ARHGEF12: variants seen among roughly 807,000 people sequenced by gnomAD.
The protein encoded by ARHGEF12 is KMT2A/ARHGEF12 fusion protein.
In ARHGEF12, 66 loss-of-function variants were observed where a neutral mutation model predicts 211.2. The ratio of observed to expected loss-of-function variants is 0.31; its 90% CI spans 0.26 to 0.38. ARHGEF12 has a LOEUF of 0.38. ARHGEF12 is among the 10% of genes least tolerant of loss of function. The pLI is 1.00. For missense variants in ARHGEF12, 1,429 were observed against 1,869.5 expected (o/e 0.76, Z 4.34); for synonymous variants, 592 against 638.4 (o/e 0.93, Z 1.09).
Position 120,452,548 on chromosome 11 carries a change from A to T in ARHGEF12, c.2056+824A>T, listed in dbSNP as rs565243922. 7.9e-5 allele frequency among the ~76,000 whole-genome samples: 12 copies of T among 152,334 alleles called. No homozygotes were observed. The East Asian group carries it at 2.3e-3, about 29-fold the overall frequency. On this transcript the variant is annotated intron_variant, in intron 22 of 40. Coordinates refer to ENST00000397843, the MANE Select transcript of ARHGEF12 (RefSeq NM_015313.3). ...CAGGAGTTTGAATAGCTTAATATTC[A>T]TGGCTAGTGACGTCACCAAGTGTGA...
At chr11:120,447,964 T>C in intron 19 of ARHGEF12, 58 bp downstream of exon 19, 1 of 1,273,418 alleles carries the variant, frequency 7.9e-7, no homozygotes, top group Non-Finnish European at 1.1e-6. Context: ...TATGTTTTTT[T>C]CCTTTCAGTC....
chr11:120,454,398 G>C (rs1451016240), intron 22 of ARHGEF12, among the ~76,000 whole-genome samples: 2 of 152,052 alleles, frequency 1.3e-5, no homozygotes, highest in Non-Finnish European at 2.9e-5. Flanking sequence ...GTATACTTGG[G>C]GACATTAAAG....
chr11:120,411,165 G>T (rs757892479), intron 4 of ARHGEF12: 2 of 152,192 alleles, frequency 1.3e-5, no homozygotes, highest in Non-Finnish European at 2.9e-5. Context: ...GAAGTAAGGT[G>T]TGGCTTCTCT....
chr11:120,461,002 C>G (rs1469630385), intron 27 of ARHGEF12, among the ~76,000 whole-genome samples: 1 of 152,192 alleles, frequency 6.6e-6, no homozygotes, highest in Non-Finnish European at 1.5e-5. Context: ...CACCTTCAGG[C>G]TCCACTGTAA....
At chr11:120,484,380 T>C in intron 39 of ARHGEF12, 58 bp from the exon 40 acceptor site, 3 of 1,501,498 alleles carry the variant, frequency 2.0e-6, no homozygotes, top group African/African-American at 2.8e-5. Flanking sequence ...TTCTGAAGTT[T>C]TTGTTTTGTT....
intron 1 of ARHGEF12, 29 bp from the exon 2 acceptor site, chr11:120,406,089 C>A (rs754632550): frequency 2.8e-5 from 42 of 1,511,576 alleles, no homozygotes; most frequent in Non-Finnish European, 3.5e-5. Flanking sequence ...AAAGTAACTA[C>A]ATCTATCCTT....
chr11:120,343,566 A>G (rs1278172950), intron 1 of ARHGEF12, among the ~76,000 whole-genome samples: 1 of 152,252 alleles, frequency 6.6e-6, no homozygotes, highest in Non-Finnish European at 1.5e-5. Flanking sequence ...TGCAGTTTAG[A>G]TTCATACCGA....
At chr11:120,460,610 C>A in intron 26 of ARHGEF12, 62 bp from the exon 27 acceptor site, 1 of 1,390,276 alleles carries the variant, frequency 7.2e-7, no homozygotes, top group Non-Finnish European at 1.0e-6. Context: ...CTACTCTGTA[C>A]TACCAGTAAT....
intron 13 of ARHGEF12, among the ~76,000 whole-genome samples, chr11:120,440,454 T>C (rs1005374226): frequency 2.0e-5 from 3 of 152,192 alleles, no homozygotes; most frequent in Admixed American, 6.5e-5. Flanking sequence ...CTTCATTTTA[T>C]TGGGGTTGAG....
At chr11:120,404,241 A>C (rs980335605) in intron 1 of ARHGEF12, among the ~76,000 whole-genome samples, 2 of 151,972 alleles carry the variant, frequency 1.3e-5, no homozygotes, top group African/African-American at 4.8e-5. Context: ...AATATTCAGC[A>C]TGTGGTAGGG....
At chr11:120,406,649 C>G (rs1944712810) in intron 2 of ARHGEF12, among the ~76,000 whole-genome samples, 1 of 152,166 alleles carries the variant, frequency 6.6e-6, no homozygotes, top group Non-Finnish European at 1.5e-5. Flanking sequence ...AGCACCGCCT[C>G]CCGGGTTCAC....
intron 1 of ARHGEF12, among the ~76,000 whole-genome samples, chr11:120,379,518 A>ATT (rs533283510): frequency 1.4e-5 from 2 of 146,054 alleles, no homozygotes; most frequent in African/African-American, 5.0e-5. Context: ...ATTAAGTACG[A>ATT]TTTTTTTTTT....
At chr11:120,465,187 A>G (rs756360081) in intron 27 of ARHGEF12, 50 bp from the exon 28 acceptor site, 6 of 1,610,332 alleles carry the variant, frequency 3.7e-6, no homozygotes, top group East Asian at 4.5e-5. Flanking sequence ...TCTGGCTTGT[A>G]TAAGCTCAGT....
intron 1 of ARHGEF12, 90 bp from the exon 2 acceptor site, chr11:120,406,028 C>G: frequency 1.0e-6 from 1 of 984,794 alleles, no homozygotes. Context: ...ATTTAAATCT[C>G]TTATTCTGGT....
At chr11:120,446,296 CT>C in intron 16 of ARHGEF12, 106 bp from the exon 17 acceptor site, 1 of 621,440 alleles carries the variant, frequency 1.6e-6, no homozygotes, top group African/African-American at 1.9e-5. Flanking sequence ...AAGAACTTCC[CT>C]CTGGCATATT....
rs138523181 is a variant in ARHGEF12 at position 120,432,661 on chromosome 11, G to C, written c.924+750G>C. ...GGGTTGTATTTCTTTTTTAAAAAAA[G>C]AATAGGAAATACAGTGCTTTGCATA... On this transcript the variant is annotated intron_variant, in intron 11 of 40. Transcript: ENST00000397843. Among the ~76,000 whole-genome samples the C allele has an allele frequency of 4.1e-3, 622 of 152,256 alleles. 4 individuals carry two copies. Among genetic ancestry groups the C allele is most frequent in the African/African-American group, 0.013 (554 of 41,554 alleles).
At chr11:120,406,179 GT>G in intron 2 of ARHGEF12, 38 bp downstream of exon 2, 1 of 1,386,954 alleles carries the variant, frequency 7.2e-7, no homozygotes, top group Non-Finnish European at 9.5e-7. Flanking sequence ...TCAAGTTTAG[GT>G]TATATTTTAA....
intron 27 of ARHGEF12, 177 bp from the exon 28 acceptor site, chr11:120,465,060 G>T: frequency 1.4e-6 from 1 of 735,370 alleles, no homozygotes; most frequent in South Asian, 2.0e-5. Context: ...GAAAAGGTCT[G>T]GTTGTGTCAA....
rs1355796731 is a variant in ARHGEF12 at position 120,428,293 on chromosome 11, A to G, written c.585+46A>G. 4 of 1,429,874 alleles carry G rather than the reference A, an allele frequency of 2.8e-6. No homozygotes were observed. In the South Asian group the frequency reaches 5.3e-5, roughly 19 times the overall value. 88.6% of individuals were successfully genotyped at this position (1,429,874 alleles called of 1,614,324 possible). On this transcript the variant is annotated intron_variant, in intron 8 of 40. Transcript: ENST00000397843. ...TAGTTAAATGCTCAGTCTTATAAGG[A>G]TGTGTTTACTTTATATGGAGAGTTT... is the stretch of plus-strand genomic sequence containing the variant.
Sources: allele counts gnomAD v4.1 joint callset (sites outside exome capture counted in the v4.1 genomes callset), GRCh38; gene constraint gnomAD v4.1.1; transcripts MANE v1.5; gene names NCBI Gene and HGNC (gene_info 2026-07-23, HGNC 2026-07-21).